Variants in ADAMTSL1 observed in about 807,000 individuals in gnomAD.
ADAMTSL1 encodes the protein ADAMTS-like protein 1.
ADAMTSL1 carries 126 observed loss-of-function variants against 201.8 expected under a neutral mutation model. The ratio of observed to expected loss-of-function variants is 0.62; its 90% CI spans 0.54 to 0.72. The LOEUF (loss-of-function observed/expected upper bound fraction) is 0.72, where lower values mean the gene tolerates loss of function less well. ADAMTSL1 is among the 30% of genes least tolerant of loss of function. ADAMTSL1 has a pLI of 0.00. For synonymous variants in ADAMTSL1, 1,121 were observed against 903.4 expected (o/e 1.24, Z -4.32); for missense variants, 2,679 against 2,277.8 (o/e 1.18, Z -3.59).
chr9:18,799,561 A>G (rs1822644590), intron 20 of ADAMTSL1, among the ~76,000 whole-genome samples: 1 of 152,164 alleles, frequency 6.6e-6, no homozygotes, highest in African/African-American at 2.4e-5. Flanking sequence ...TTTGGTTGTT[A>G]TTGATTTTAT....
chr9:18,149,719 C>G (rs146569766), intron 1 of ADAMTSL1, among the ~76,000 whole-genome samples: 212 of 152,102 alleles, frequency 1.4e-3, no homozygotes, highest in African/African-American at 5.0e-3. Context: ...TTTTAGAAAG[C>G]TCACTCAAGC....
chr9:18,839,793 G>T (rs1288071491), intron 23 of ADAMTSL1, among the ~76,000 whole-genome samples: 1 of 151,876 alleles, frequency 6.6e-6, no homozygotes, highest in African/African-American at 2.4e-5. Context: ...CAGTGATGGT[G>T]AGCATTTTTT....
chr9:18,010,749 G>T (rs1820017917), intron 1 of ADAMTSL1, among the ~76,000 whole-genome samples: 1 of 151,956 alleles, frequency 6.6e-6, no homozygotes, highest in South Asian at 2.1e-4. Flanking sequence ...TGTAATTCTA[G>T]ACCTAAGGGT....
chr9:18,833,886 C>T (rs999180571), intron 23 of ADAMTSL1, among the ~76,000 whole-genome samples: 1 of 152,170 alleles, frequency 6.6e-6, no homozygotes, highest in African/African-American at 2.4e-5. Context: ...GGAAGGGACT[C>T]AGTTTTAATC....
chr9:18,854,529 T>G (rs1396140100), intron 23 of ADAMTSL1, among the ~76,000 whole-genome samples: 1 of 152,150 alleles, frequency 6.6e-6, no homozygotes, highest in Admixed American at 6.5e-5. Context: ...TTCACAGCAT[T>G]TCCTCTTGGT....
At chr9:18,069,473 C>T (rs923811475) in intron 1 of ADAMTSL1, among the ~76,000 whole-genome samples, 17 of 152,056 alleles carry the variant, frequency 1.1e-4, no homozygotes, top group Admixed American at 9.2e-4. Flanking sequence ...ATAAGTTTAC[C>T]ATTATGCTTT....
intron 1 of ADAMTSL1, among the ~76,000 whole-genome samples, chr9:18,047,573 C>T (rs1749696484): frequency 6.6e-6 from 1 of 151,990 alleles, no homozygotes; most frequent in Admixed American, 6.6e-5. Flanking sequence ...AAAACTTAGA[C>T]CTCTAAAGAG....
At chr9:18,553,181 C>T (rs75920562) in intron 3 of ADAMTSL1, among the ~76,000 whole-genome samples, 2,856 of 146,490 alleles carry the variant, frequency 0.019, 40 homozygotes, top group Non-Finnish European at 0.03. Context: ...TTCCTCTTTT[C>T]TTCTTGACTT....
At chr9:18,396,833 T>G (rs1817772501) in intron 2 of ADAMTSL1, among the ~76,000 whole-genome samples, 1 of 152,140 alleles carries the variant, frequency 6.6e-6, no homozygotes, top group African/African-American at 2.4e-5. Flanking sequence ...GCCACTGCAC[T>G]TCAGCCTGGG....
At chr9:18,753,568 G>A in intron 16 of ADAMTSL1, 60 bp downstream of exon 16, 1 of 1,539,456 alleles carries the variant, frequency 6.5e-7, no homozygotes, top group East Asian at 2.4e-5. Flanking sequence ...TCAAAAAAGG[G>A]ATGCTCTCTC....
intron 2 of ADAMTSL1, among the ~76,000 whole-genome samples, chr9:18,186,796 T>C (rs1469438446): frequency 2.0e-5 from 3 of 151,878 alleles, no homozygotes; most frequent in Non-Finnish European, 4.4e-5. Context: ...ATTATTATTA[T>C]CATATTGTGC....
At chr9:18,204,781 C>T (rs1180288758) in intron 2 of ADAMTSL1, among the ~76,000 whole-genome samples, 2 of 152,092 alleles carry the variant, frequency 1.3e-5, no homozygotes, top group African/African-American at 4.8e-5. Flanking sequence ...TATCCAAAGG[C>T]AGCAATCTGG....
chr9:18,192,703 A>G (rs952681305), intron 2 of ADAMTSL1, among the ~76,000 whole-genome samples: 1 of 152,128 alleles, frequency 6.6e-6, no homozygotes, highest in Non-Finnish European at 1.5e-5. Flanking sequence ...GACTCAAAAA[A>G]CATTTACAGT....
chr9:18,209,355 T>G (rs188631491), intron 2 of ADAMTSL1, among the ~76,000 whole-genome samples: 2 of 152,304 alleles, frequency 1.3e-5, no homozygotes, highest in Non-Finnish European at 2.9e-5. Flanking sequence ...ATTTATGCAT[T>G]TAACTTAACT....
intron 14 of ADAMTSL1, chr9:18,718,126 T>C (rs899421522): frequency 6.2e-5 from 68 of 1,103,806 alleles, no homozygotes; most frequent in African/African-American, 4.8e-4. Flanking sequence ...ATTGTCTTGC[T>C]AGATTTTTGA....
intron 2 of ADAMTSL1, among the ~76,000 whole-genome samples, chr9:18,430,718 TGCACCAA>T (rs1819450093): frequency 1.3e-5 from 2 of 152,294 alleles, no homozygotes; most frequent in South Asian, 4.1e-4. Context: ...AACTTCTCCT[TGCACCAA>T]GCACACATCC....
intron 14 of ADAMTSL1, among the ~76,000 whole-genome samples, chr9:18,712,881 T>C (rs1002932447): frequency 2.7e-5 from 4 of 147,934 alleles, no homozygotes; most frequent in African/African-American, 9.9e-5. Context: ...GGGAAGCCCA[T>C]CAGACTAACA....
intron 1 of ADAMTSL1, among the ~76,000 whole-genome samples, chr9:18,051,340 A>G (rs997340934): frequency 6.6e-6 from 1 of 152,112 alleles, no homozygotes; most frequent in South Asian, 2.1e-4. Context: ...ATAACATTAT[A>G]GACTGATCAT....
chr9:18,037,883 G>A (rs962710304), intron 1 of ADAMTSL1, among the ~76,000 whole-genome samples: 1 of 152,152 alleles, frequency 6.6e-6, no homozygotes, highest in Non-Finnish European at 1.5e-5. Context: ...AAATAGGCAT[G>A]TTCTCCAGGA....
Sources: gnomAD v4.1 joint callset for allele counts (sites outside exome capture counted in the v4.1 genomes callset) on GRCh38, gnomAD v4.1.1 for gene constraint, MANE v1.5 for transcripts, NCBI Gene and HGNC (gene_info 2026-07-23, HGNC 2026-07-21) for gene names.